The following SHANK2 variants were observed in gnomAD, a reference collection of about 807,000 sequenced individuals.
The protein encoded by SHANK2 is SH3 and multiple ankyrin repeat domains 2.
SHANK2 carries 43 observed loss-of-function variants against 133.7 expected under a neutral mutation model. The observed-to-expected ratio is 0.32, with a 90% CI of 0.25 to 0.41. The LOEUF (loss-of-function observed/expected upper bound fraction) is 0.41. SHANK2 is among the 10% of genes least tolerant of loss of function. SHANK2 has a pLI of 1.00. For synonymous variants in SHANK2, 1,017 were observed against 952.8 expected, an observed-to-expected ratio of 1.07 and a Z score of -1.24; for missense variants, 1,994 against 2,235.8, an observed-to-expected ratio of 0.89 and a Z score of 2.18.
chr11:70,808,361 C>G (rs138477573), intron 12 of SHANK2, among the ~76,000 whole-genome samples: 1 of 151,932 alleles, frequency 6.6e-6, no homozygotes, highest in African/African-American at 2.4e-5. Flanking sequence ...GCCACCATGC[C>G]TGGCTACTTT....
At position 70,659,135 on chromosome 11, in the gene SHANK2, C is replaced by T. The variant is rs1342482341; in HGVS notation, c.2061+693G>A. 5.9e-5 allele frequency among the ~76,000 whole-genome samples: 9 copies of T among 152,306 alleles called. No individual in the cohort carries two copies. In the South Asian group the frequency reaches 6.2e-4, roughly 11 times the overall value. On this transcript the variant is annotated intron_variant, in intron 17 of 25. Transcript: ENST00000601538. Reference sequence around the variant, plus strand: ...GATGTACTGGGGCCTCCGAACCCCTCGCACACACCAACGTGCCAACCGTAG... The same window carrying T: ...GATGTACTGGGGCCTCCGAACCCCTTGCACACACCAACGTGCCAACCGTAG...
At chr11:70,950,801 G>A (rs1354288542) in intron 10 of SHANK2, among the ~76,000 whole-genome samples, 5 of 152,076 alleles carry the variant, frequency 3.3e-5, no homozygotes, top group African/African-American at 1.2e-4. Flanking sequence ...GTATGTGTGG[G>A]TGTGTATGTA....
At chr11:70,526,674 T>C (rs1286593759) in intron 17 of SHANK2, among the ~76,000 whole-genome samples, 2 of 152,224 alleles carry the variant, frequency 1.3e-5, no homozygotes, top group African/African-American at 2.4e-5. Flanking sequence ...CTGGTCACAA[T>C]GCCACCTCGC....
intron 17 of SHANK2, among the ~76,000 whole-genome samples, chr11:70,557,275 T>C (rs2059845755): frequency 6.6e-6 from 1 of 152,054 alleles, no homozygotes; most frequent in South Asian, 2.1e-4. Flanking sequence ...GGCCTCAGGA[T>C]CTCACGAATT....
intron 17 of SHANK2, among the ~76,000 whole-genome samples, chr11:70,546,119 G>C (rs1425191664): frequency 1.2e-4 from 3 of 25,336 alleles, no homozygotes. Context: ...TTTTTTTTTT[G>C]TAGAGATGGG....
At chr11:70,908,122 T>C (rs781970612) in intron 10 of SHANK2, 3 of 267,104 alleles carry the variant, frequency 1.1e-5, no homozygotes, top group Non-Finnish European at 2.3e-5. Context: ...AAAATCTTAA[T>C]AAACTGGGAA....
At chr11:71,088,263 T>A (rs1465786504) in intron 8 of SHANK2, among the ~76,000 whole-genome samples, 2 of 152,150 alleles carry the variant, frequency 1.3e-5, no homozygotes, top group African/African-American at 4.8e-5. Flanking sequence ...CACCACTGCA[T>A]GAGCCAATTC....
At position 70,502,814 on chromosome 11, in the gene SHANK2, C is replaced by T. The variant is rs201017092; in HGVS notation, c.2179G>A (p.Asp727Asn). Reference protein sequence around the residue: ...VTVTRNLDPDDTARKKAPPPP... With the variant: ...VTVTRNLDPDNTARKKAPPPP... ...CATGTACCTTTCTTCCTGGCGGTGT[C>T]GTCGGGGTCCAGATTCCTGGTCACC... The change falls in exon 18 of 26, where the codon GAC becomes AAC. Residue 727 changes from aspartate (D) to asparagine (N), a missense_variant. Around this residue, in one of 5 missense-constraint regions of SHANK2, gnomAD observed 488 missense variants for 642.6 expected, o/e 0.76. Transcript: ENST00000601538. 1.1e-5 allele frequency: 16 copies of T among 1,469,884 alleles called. No homozygotes were observed. The highest frequency in any genetic ancestry group is 1.4e-5 in the Non-Finnish European group (15 of 1,095,084). 91.1% of individuals were successfully genotyped at this position (1,469,884 alleles called of 1,614,324 possible). A position where few individuals can be genotyped will look rare whatever the true frequency, so the allele number is the denominator to read the frequency against.
At chr11:71,208,001 T>G (rs1954164053) in intron 2 of SHANK2, among the ~76,000 whole-genome samples, 1 of 151,544 alleles carries the variant, frequency 6.6e-6, no homozygotes, top group Admixed American at 6.6e-5. Context: ...AGAGGTATAC[T>G]GGGTTTGGCA....
chr11:70,538,822 G>A (rs537289470), intron 17 of SHANK2, among the ~76,000 whole-genome samples: 12 of 152,182 alleles, frequency 7.9e-5, no homozygotes, highest in Middle Eastern at 6.3e-3. Flanking sequence ...ACGCACAGAC[G>A]GTGGGGAGGG....
intron 17 of SHANK2, among the ~76,000 whole-genome samples, chr11:70,536,764 C>T (rs2059549146): frequency 6.6e-6 from 1 of 152,166 alleles, no homozygotes; most frequent in Non-Finnish European, 1.5e-5. Context: ...AGTGTCACCC[C>T]TTCCATGCTC....
At chr11:70,883,513 A>G (rs77418868) in intron 11 of SHANK2, among the ~76,000 whole-genome samples, 2,247 of 152,278 alleles carry the variant, frequency 0.015, 38 homozygotes, top group Admixed American at 0.033. Context: ...TGACATGGGC[A>G]GGGACAATCC....
At chr11:71,116,166 G>A (rs1009241330) in intron 4 of SHANK2, among the ~76,000 whole-genome samples, 6 of 152,190 alleles carry the variant, frequency 3.9e-5, no homozygotes, top group African/African-American at 1.4e-4. Flanking sequence ...CTGGGTGGGC[G>A]TCCATGACAT....
chr11:71,116,412 G>A (rs868986017), intron 4 of SHANK2, among the ~76,000 whole-genome samples: 4 of 152,376 alleles, frequency 2.6e-5, no homozygotes, highest in African/African-American at 4.8e-5. Context: ...AACTTGGGGC[G>A]TAGCAAGCCT....
At chr11:70,687,077 A>G (rs907754686) in intron 15 of SHANK2, among the ~76,000 whole-genome samples, 5 of 152,216 alleles carry the variant, frequency 3.3e-5, no homozygotes, top group Non-Finnish European at 5.9e-5. Flanking sequence ...TCTAAAGCGC[A>G]TTCATTCATG....
chr11:70,890,689 C>T (rs1429013531), intron 11 of SHANK2, among the ~76,000 whole-genome samples: 1 of 151,630 alleles, frequency 6.6e-6, no homozygotes, highest in Non-Finnish European at 1.5e-5. Context: ...ATCCTACCTA[C>T]TCGGGAGGCT....
At chr11:70,616,798 C>T (rs1458241553) in intron 17 of SHANK2, among the ~76,000 whole-genome samples, 1 of 152,176 alleles carries the variant, frequency 6.6e-6, no homozygotes, top group Non-Finnish European at 1.5e-5. Flanking sequence ...GCCAGGCTGG[C>T]TCCTGACCAG....
intron 2 of SHANK2, among the ~76,000 whole-genome samples, chr11:71,207,805 C>T (rs1210879486): frequency 2.6e-5 from 4 of 152,126 alleles, no homozygotes; most frequent in Non-Finnish European, 5.9e-5. Context: ...GTGACACCGT[C>T]ACTGGAGGCT....
intron 14 of SHANK2, among the ~76,000 whole-genome samples, chr11:70,733,856 C>T (rs1164505881): frequency 1.3e-5 from 2 of 152,176 alleles, no homozygotes; most frequent in Non-Finnish European, 2.9e-5. Context: ...ACGGTGAGGA[C>T]AGGGACTCAG....
Sources: allele counts gnomAD v4.1 joint callset (sites outside exome capture counted in the v4.1 genomes callset), GRCh38; gene constraint gnomAD v4.1.1; regional missense constraint gnomAD v4.1.1; transcripts MANE v1.5; gene names NCBI Gene and HGNC (gene_info 2026-07-23, HGNC 2026-07-21).